PRKD1: variants seen among roughly 807,000 people sequenced by gnomAD.
PRKD1 encodes the protein protein kinase D1, also known as serine/threonine-protein kinase D1.
PRKD1 carries 63 observed loss-of-function variants against 95.9 expected under a neutral mutation model. The ratio of observed to expected loss-of-function variants is 0.66; its 90% CI spans 0.54 to 0.81. PRKD1 has a LOEUF of 0.81. Ranked by LOEUF, PRKD1 falls within the 30% of genes least tolerant of loss-of-function variation. The pLI is 0.00. For missense variants in PRKD1, 1,048 were observed against 1,165.3 expected (o/e 0.90, Z 1.47); for synonymous variants, 425 against 423.1 (o/e 1.00, Z -0.05).
chr14:29,714,948 G>C (rs537599369), intron 2 of PRKD1, among the ~76,000 whole-genome samples: 1 of 151,974 alleles, frequency 6.6e-6, no homozygotes, highest in Non-Finnish European at 1.5e-5. Flanking sequence ...ATCACACACC[G>C]GGGCCCGTTG....
At chr14:29,806,029 C>T (rs1890217962) in intron 1 of PRKD1, among the ~76,000 whole-genome samples, 1 of 151,866 alleles carries the variant, frequency 6.6e-6, no homozygotes, top group African/African-American at 2.4e-5. Flanking sequence ...CATCACCCAC[C>T]CAGACACAGA....
chr14:29,842,195 T>C (rs1289983215), intron 1 of PRKD1, among the ~76,000 whole-genome samples: 1 of 152,232 alleles, frequency 6.6e-6, no homozygotes, highest in Non-Finnish European at 1.5e-5. Flanking sequence ...GCAGTTAACT[T>C]GTTTTTACAT....
rs369173409 is a variant in PRKD1, at chr14:29,639,902, TTAAC to T, written c.697-1002_697-999del. 5.9e-4 allele frequency among the ~76,000 whole-genome samples: 90 copies of T among 152,290 alleles called. 2 individuals are homozygous for T. In the South Asian group the frequency reaches 0.018, roughly 31 times the overall value. On this transcript the variant is annotated intron_variant, in intron 4 of 17. Transcript: ENST00000331968. ...AGTATATAGATTTTTAAAAATTAAATTAACTAAAATTAACCATGTTTTCTATGTT... is the reference window on the plus strand; with the variant it reads ...AGTATATAGATTTTTAAAAATTAAATTAAAATTAACCATGTTTTCTATGTT...
At chr14:29,616,372 T>C (rs1452225310) in intron 13 of PRKD1, among the ~76,000 whole-genome samples, 2 of 150,872 alleles carry the variant, frequency 1.3e-5, no homozygotes, top group African/African-American at 2.4e-5. Context: ...ATTTGAAGTG[T>C]GGGAGAGATT....
chr14:29,925,445 C>T (rs1395023344), intron 1 of PRKD1, among the ~76,000 whole-genome samples: 2 of 152,060 alleles, frequency 1.3e-5, no homozygotes, highest in Non-Finnish European at 2.9e-5. Context: ...CCTTAAATAC[C>T]CAGGCCACCA....
At chr14:29,870,854 T>C (rs1255001903) in intron 1 of PRKD1, among the ~76,000 whole-genome samples, 1 of 152,222 alleles carries the variant, frequency 6.6e-6, no homozygotes, top group African/African-American at 2.4e-5. Flanking sequence ...AGACTTTAGC[T>C]CTATTACATA....
intron 2 of PRKD1, among the ~76,000 whole-genome samples, chr14:29,684,819 C>T (rs978039134): frequency 6.6e-6 from 1 of 152,194 alleles, no homozygotes; most frequent in African/African-American, 2.4e-5. Context: ...CTGCAGTTAT[C>T]ACATCCCTGA....
At chr14:29,688,954 A>G (rs1884053417) in intron 2 of PRKD1, among the ~76,000 whole-genome samples, 1 of 148,812 alleles carries the variant, frequency 6.7e-6, no homozygotes, top group Non-Finnish European at 1.5e-5. Context: ...GTCTCAAAAA[A>G]AAAAAAAAAA....
At chr14:29,692,324 C>A (rs1566542655) in intron 2 of PRKD1, among the ~76,000 whole-genome samples, 2 of 151,900 alleles carry the variant, frequency 1.3e-5, no homozygotes. Flanking sequence ...GCCATTAAAT[C>A]TTACTGTGTA....
intron 1 of PRKD1, among the ~76,000 whole-genome samples, chr14:29,861,610 C>G (rs532393305): frequency 6.6e-6 from 1 of 152,020 alleles, no homozygotes; most frequent in Non-Finnish European, 1.5e-5. Flanking sequence ...ACTATAGTCA[C>G]CCTGTCATGC....
intron 1 of PRKD1, among the ~76,000 whole-genome samples, chr14:29,742,625 G>C (rs1460390413): frequency 2.0e-5 from 3 of 152,058 alleles, no homozygotes; most frequent in Non-Finnish European, 4.4e-5. Context: ...ATGAGATATT[G>C]AGGAAAAAAT....
intron 16 of PRKD1, among the ~76,000 whole-genome samples, chr14:29,595,637 G>C (rs1893270641): frequency 6.6e-6 from 1 of 152,144 alleles, no homozygotes; most frequent in East Asian, 1.9e-4. Context: ...GGCATGAATA[G>C]GTTTTGTCTT....
chr14:29,766,604 C>A (rs1013902933), intron 1 of PRKD1, among the ~76,000 whole-genome samples: 2 of 152,082 alleles, frequency 1.3e-5, no homozygotes, highest in African/African-American at 4.8e-5. Context: ...AGAAGCACTA[C>A]CTGTAATTTA....
chr14:29,836,660 C>T (rs986976790), intron 1 of PRKD1, among the ~76,000 whole-genome samples: 3 of 152,178 alleles, frequency 2.0e-5, no homozygotes, highest in African/African-American at 7.2e-5. Flanking sequence ...CCAACACCTC[C>T]TCCTCATGCT....
intron 2 of PRKD1, among the ~76,000 whole-genome samples, chr14:29,688,537 T>C (rs1401319195): frequency 6.6e-6 from 1 of 152,146 alleles, no homozygotes; most frequent in African/African-American, 2.4e-5. Context: ...TACAAACTAG[T>C]TATAGTGATA....
intron 13 of PRKD1, among the ~76,000 whole-genome samples, chr14:29,614,379 T>G (rs530119371): frequency 6.6e-6 from 1 of 152,190 alleles, no homozygotes; most frequent in Admixed American, 6.5e-5. Context: ...CACTGAGATT[T>G]TTCTTTTTGT....
At chr14:29,594,782 T>C (rs1391356421) in intron 16 of PRKD1, among the ~76,000 whole-genome samples, 1 of 152,180 alleles carries the variant, frequency 6.6e-6, no homozygotes, top group African/African-American at 2.4e-5. Flanking sequence ...GGTGTGTTTG[T>C]CAGGTCCTAC....
chr14:29,618,563 A>T (rs767459723), intron 13 of PRKD1, among the ~76,000 whole-genome samples: 2 of 152,164 alleles, frequency 1.3e-5, no homozygotes, highest in Non-Finnish European at 2.9e-5. Flanking sequence ...GCCAATATCT[A>T]CATTAACTAA....
chr14:29,745,880 G>A (rs73259523), intron 1 of PRKD1, among the ~76,000 whole-genome samples: 4 of 152,126 alleles, frequency 2.6e-5, no homozygotes, highest in African/African-American at 7.2e-5. Flanking sequence ...TAAGAAAATG[G>A]TATCTAACTA....
Sources: gnomAD v4.1 joint callset for allele counts (sites outside exome capture counted in the v4.1 genomes callset) on GRCh38, gnomAD v4.1.1 for gene constraint, MANE v1.5 for transcripts, NCBI Gene and HGNC (gene_info 2026-07-23, HGNC 2026-07-21) for gene names.